IL1RL1: variants seen among roughly 807,000 people sequenced by gnomAD.
The protein encoded by IL1RL1 is interleukin 1 receptor like 1, also known as interleukin-1 receptor-like 1.
In IL1RL1, 32 loss-of-function variants were observed where a neutral mutation model predicts 50.9. The observed-to-expected ratio is 0.63, with a 90% CI of 0.47 to 0.84. The LOEUF is 0.84. Ranked by LOEUF, IL1RL1 falls within the 40% of genes least tolerant of loss-of-function variation. IL1RL1 has a pLI of 0.00. For missense variants in IL1RL1, 773 were observed against 662.9 expected (o/e 1.17, Z -1.82); for synonymous variants, 275 against 236.0 (o/e 1.17, Z -1.51).
chr2:102,338,732 T>A (rs754162025), intron 2 of IL1RL1, 105 bp from the exon 3 acceptor site: 4 of 819,592 alleles, frequency 4.9e-6, no homozygotes, highest in Non-Finnish European at 7.9e-6. Flanking sequence ...TCACAGTATA[T>A]GACCGGCTTC....
chr2:102,340,568 G>A (rs758679976), intron 4 of IL1RL1, 98 bp from the exon 5 acceptor site: 51 of 1,237,420 alleles, frequency 4.1e-5, no homozygotes, highest in Non-Finnish European at 4.9e-5. Context: ...AGCCCAGATT[G>A]CACCACTCAC....
At chr2:102,329,417 A>G (rs2104973137) in intron 1 of IL1RL1, among the ~76,000 whole-genome samples, 1 of 152,336 alleles carries the variant, frequency 6.6e-6, no homozygotes, top group Admixed American at 6.5e-5. Flanking sequence ...ACCATTCAGG[A>G]CATAGGCATG....
chr2:102,343,480 T>C, intron 8 of IL1RL1, 65 bp downstream of exon 8: 1 of 1,613,346 alleles, frequency 6.2e-7, no homozygotes. Context: ...CAGAATGGAG[T>C]GTGGTTCCAA....
chr2:102,319,180 T>C (rs1293462912), intron 1 of IL1RL1, among the ~76,000 whole-genome samples: 2 of 152,202 alleles, frequency 1.3e-5, no homozygotes, highest in African/African-American at 4.8e-5. Flanking sequence ...CTTACACTTT[T>C]TTTTTTAACT....
At position 102,351,852 on chromosome 2, in the gene IL1RL1, A is replaced by G; in HGVS notation, c.1602A>G (p.Gln534=). 1 of 1,613,988 alleles carries G rather than the reference A, an allele frequency of 6.2e-7. No individual in the cohort carries two copies. Among genetic ancestry groups the G allele is most frequent in the South Asian group, 1.1e-5 (1 of 91,084 alleles). ...AATTCTGGAAGCACGTGAGGTACCA[A>G]ATGCCTGTGCCAAGCAAAATTCCCA... The part of the protein sequence containing the change: ...NSKFWKHVRY[Q]MPVPSKIPRK... Residue 534 remains glutamine, a synonymous_variant, in exon 11 of 11, where the codon CAA becomes CAG. Coordinates refer to ENST00000233954, the MANE Select transcript of IL1RL1 (RefSeq NM_016232.5).
chr2:102,325,515 G>A (rs1038022138), intron 1 of IL1RL1, among the ~76,000 whole-genome samples: 66 of 152,186 alleles, frequency 4.3e-4, no homozygotes, highest in African/African-American at 1.6e-3. Flanking sequence ...TGACTTTGAC[G>A]AGTTGAGAGA....
chr2:102,319,696 C>A lies in IL1RL1; in HGVS notation c.-150+8073C>A, dbSNP rs576532230. Among the ~76,000 whole-genome samples the A allele has an allele frequency of 2.5e-3, 375 of 152,050 alleles. 4 individuals carry two copies. Among genetic ancestry groups the A allele is most frequent in the African/African-American group, 8.7e-3 (362 of 41,464 alleles). ...TCTTTTGTATCTCTCGCCCTCTTTTCTTTTTTTTGTGACACAAGATGTCAT... is the reference window on the plus strand; with the variant it reads ...TCTTTTGTATCTCTCGCCCTCTTTTATTTTTTTTGTGACACAAGATGTCAT... On this transcript the variant is annotated intron_variant, in intron 1 of 10. Coordinates refer to ENST00000233954, the MANE Select transcript of IL1RL1 (RefSeq NM_016232.5).
intron 1 of IL1RL1, among the ~76,000 whole-genome samples, chr2:102,323,726 C>T (rs1264000990): frequency 1.3e-5 from 2 of 152,104 alleles, no homozygotes; most frequent in African/African-American, 4.8e-5. Flanking sequence ...GACCCAAATG[C>T]TCCCCCTTAA....
chr2:102,351,377 G>A (rs1012100579), intron 10 of IL1RL1, among the ~76,000 whole-genome samples, 159 bp from the exon 11 acceptor site: 1 of 152,064 alleles, frequency 6.6e-6, no homozygotes, highest in Non-Finnish European at 1.5e-5. Flanking sequence ...AGAACAAAAC[G>A]GGTTCTCTAT....
In IL1RL1 at chr2:102,324,488, G is replaced by A. The variant is rs185464297; in HGVS notation, c.-150+12865G>A. Among the ~76,000 whole-genome samples, 234 of 152,326 alleles carry A rather than the reference G, an allele frequency of 1.5e-3. 1 individual carries two copies. Among genetic ancestry groups the A allele is most frequent in the Non-Finnish European group, 2.0e-3 (135 of 68,024 alleles). On this transcript the variant is annotated intron_variant, in intron 1 of 10. Transcript: ENST00000233954. ...GGTACTGGGTTCATCTCACTGGGGCGTGTCGGATAGTGGGTGCAGGACAGT... is the reference window on the plus strand; with the variant it reads ...GGTACTGGGTTCATCTCACTGGGGCATGTCGGATAGTGGGTGCAGGACAGT...
intron 1 of IL1RL1, chr2:102,337,416 T>G (rs990101734): frequency 1.3e-5 from 2 of 152,368 alleles, no homozygotes; most frequent in Non-Finnish European, 2.9e-5. Context: ...TTTATGTTAG[T>G]AAATTTCTAT....
At chr2:102,314,379 G>A (rs1676611856) in intron 1 of IL1RL1, among the ~76,000 whole-genome samples, 1 of 152,202 alleles carries the variant, frequency 6.6e-6, no homozygotes, top group Admixed American at 6.5e-5. Context: ...TGAGTCTGTG[G>A]GATTGGCTCT....
At chr2:102,345,521 T>G (rs1677752410) in intron 8 of IL1RL1, 1 of 985,230 alleles carries the variant, frequency 1.0e-6, no homozygotes, top group East Asian at 1.1e-4. Context: ...ATGTGTGTGG[T>G]ATGGTTAGGA....
intron 9 of IL1RL1, 41 bp downstream of exon 9, chr2:102,348,132 C>A (rs1677833472): frequency 6.6e-7 from 1 of 1,519,302 alleles, no homozygotes. Context: ...AAGAAAAAGT[C>A]CCATAATAAC....
At chr2:102,348,896 T>G (rs1333241753) in intron 9 of IL1RL1, among the ~76,000 whole-genome samples, 183 bp from the exon 10 acceptor site, 1 of 152,192 alleles carries the variant, frequency 6.6e-6, no homozygotes, top group Non-Finnish European at 1.5e-5. Flanking sequence ...GGATGAAGAC[T>G]GTTATTTCCT....
intron 1 of IL1RL1, among the ~76,000 whole-genome samples, chr2:102,336,097 A>G (rs1677317207): frequency 6.6e-6 from 1 of 152,170 alleles, no homozygotes; most frequent in Admixed American, 6.5e-5. Context: ...CATGGGGAGC[A>G]AAGACGCTGG....
At position 102,351,815 on chromosome 2, in the gene IL1RL1, C is replaced by T; in HGVS notation, c.1565C>T (p.Ser522Phe). Residue 522 changes from serine (S) to phenylalanine (F), a missense_variant, in exon 11 of 11, where the codon TCC (serine) becomes TTC (phenylalanine). By Grantham distance (155) the Ser-to-Phe change is radical. Transcript: ENST00000233954. ...WREDHIANKRSLNSKFWKHVR... is the reference protein window; with the variant it reads ...WREDHIANKRFLNSKFWKHVR... ...GAGGACCACATTGCCAATAAAAGGT[C>T]CCTGAATTCTAAATTCTGGAAGCAC... 2 of 1,614,024 alleles carry T rather than the reference C, an allele frequency of 1.2e-6. No individual in the cohort carries two copies. The highest frequency in any genetic ancestry group is 1.3e-5 in the African/African-American group (1 of 75,002).
At chr2:102,315,309 C>G (rs1036571421) in intron 1 of IL1RL1, among the ~76,000 whole-genome samples, 1 of 152,128 alleles carries the variant, frequency 6.6e-6, no homozygotes, top group Admixed American at 6.5e-5. Context: ...CAGGACCAGT[C>G]AGCATTTCTC....
At chr2:102,315,857 A>G (rs1439098543) in intron 1 of IL1RL1, among the ~76,000 whole-genome samples, 3 of 152,220 alleles carry the variant, frequency 2.0e-5, no homozygotes, top group South Asian at 2.1e-4. Flanking sequence ...ACATTCCTCA[A>G]TCATAGCAAC....
Sources: allele counts gnomAD v4.1 joint callset (sites outside exome capture counted in the v4.1 genomes callset), GRCh38; gene constraint gnomAD v4.1.1; transcripts MANE v1.5; gene names NCBI Gene and HGNC (gene_info 2026-07-23, HGNC 2026-07-21).